Variants in NRXN1 observed in about 807,000 individuals in gnomAD.
NRXN1 encodes the protein neurexin 1, also known as neurexin-1.
A neutral mutation model predicts 150.9 loss-of-function variants in NRXN1; 39 were observed. That is an observed-to-expected ratio of 0.26 (90% confidence interval 0.20 to 0.34). The LOEUF is 0.34. Among genes scored for constraint, NRXN1 ranks in the 10% least tolerant of loss-of-function variants. NRXN1 has a pLI of 1.00. For missense variants in NRXN1, 1,815 were observed against 1,949.9 expected, an observed-to-expected ratio of 0.93 and a Z score of 1.30; for synonymous variants, 924 against 757.0, an observed-to-expected ratio of 1.22 and a Z score of -3.62.
chr2:50,867,615 T>G (rs1389661706), intron 5 of NRXN1, among the ~76,000 whole-genome samples: 1 of 151,858 alleles, frequency 6.6e-6, no homozygotes, highest in East Asian at 1.9e-4. Context: ...ACATGATTAC[T>G]TTAATGACAA....
At chr2:50,398,696 C>T (rs2103903583) in intron 17 of NRXN1, among the ~76,000 whole-genome samples, 1 of 152,244 alleles carries the variant, frequency 6.6e-6, no homozygotes, top group Admixed American at 6.5e-5. Context: ...CTAATGGGCA[C>T]TGCCTTTGGA....
At chr2:50,422,183 T>A (rs1009226725) in intron 17 of NRXN1, among the ~76,000 whole-genome samples, 2 of 152,162 alleles carry the variant, frequency 1.3e-5, no homozygotes, top group African/African-American at 4.8e-5. Flanking sequence ...CATATCCAAC[T>A]TTTTAAAAAA....
chr2:50,135,765 A>G lies in NRXN1; in HGVS notation c.3547-44271T>C, dbSNP rs368677405. Among the ~76,000 whole-genome samples, 40 of 152,320 alleles carry G rather than the reference A, an allele frequency of 2.6e-4. No individual in the cohort carries two copies. The South Asian group carries it at 6.6e-3, about 25-fold the overall frequency. On this transcript the variant is annotated intron_variant, in intron 18 of 22. Transcript: ENST00000401669. The stretch of plus-strand genomic sequence containing the variant: ...GCCCAATAATGTCTGAGCAAAATGG[A>G]GGCCATGATTATTTTGGCTGTAGTG...
At position 51,004,539 on chromosome 2, in the gene NRXN1, A is replaced by G. The variant is rs1700464772; in HGVS notation, c.772+22963T>C. The stretch of plus-strand genomic sequence containing the variant: ...GGTTTTATAAATAAGCATTTGTAGG[A>G]GGCTGAGACAGGAGAATCGCTTGAA... On this transcript the variant is annotated intron_variant, in intron 2 of 22. Transcript: ENST00000401669. Among the ~76,000 whole-genome samples, 3 of 152,018 alleles carry G rather than the reference A, an allele frequency of 2.0e-5. No homozygotes were observed. The South Asian group carries it at 6.2e-4, about 31-fold the overall frequency.
intron 21 of NRXN1, among the ~76,000 whole-genome samples, chr2:49,961,839 T>C (rs1259345669): frequency 2.6e-5 from 4 of 152,204 alleles, no homozygotes; most frequent in South Asian, 2.1e-4. Flanking sequence ...TCAAATTATA[T>C]GGTGTGACAC....
intron 5 of NRXN1, among the ~76,000 whole-genome samples, chr2:50,778,913 T>C (rs1031298309): frequency 4.6e-5 from 7 of 152,146 alleles, no homozygotes; most frequent in African/African-American, 1.7e-4. Context: ...AAATTAAAAA[T>C]AAATTAAAAT....
intron 21 of NRXN1, among the ~76,000 whole-genome samples, chr2:49,971,931 A>AGAATGGAAACTTTCTTTGG (rs1177787194): frequency 6.6e-6 from 1 of 152,074 alleles, no homozygotes; most frequent in Non-Finnish European, 1.5e-5. Context: ...ACTTTTTTTG[A>AGAATGGAAACTTTCTTTGG]GAATGGAAAC....
intron 19 of NRXN1, among the ~76,000 whole-genome samples, chr2:50,063,479 C>CCACTTT (rs1694874946): frequency 6.7e-6 from 1 of 150,368 alleles, no homozygotes. Flanking sequence ...ACTTTGAACC[C>CCACTTT]GACATTCTCC....
chr2:50,968,536 A>G (rs542076525), intron 2 of NRXN1, among the ~76,000 whole-genome samples: 1 of 152,174 alleles, frequency 6.6e-6, no homozygotes, highest in Non-Finnish European at 1.5e-5. Context: ...TGGATCCTGG[A>G]TCCACTTCCT....
intron 17 of NRXN1, among the ~76,000 whole-genome samples, chr2:50,309,307 A>C (rs114992005): frequency 0.01 from 1,580 of 152,292 alleles, 27 homozygotes; most frequent in African/African-American, 0.036. Flanking sequence ...TTTTACTAGG[A>C]CACAGTTTTT....
At chr2:50,595,127 G>C (rs1185354780) in intron 8 of NRXN1, among the ~76,000 whole-genome samples, 1 of 151,964 alleles carries the variant, frequency 6.6e-6, no homozygotes. Context: ...ATGAGGACAT[G>C]TGGCCACCTG....
chr2:50,134,270 C>G (rs1047498120), intron 18 of NRXN1, among the ~76,000 whole-genome samples: 1 of 99,266 alleles, frequency 1.0e-5, no homozygotes, highest in Non-Finnish European at 1.9e-5. Context: ...TTAAAAGTAA[C>G]CAGAAAAAAA....
chr2:50,339,399 G>T (rs1264740461), intron 17 of NRXN1, among the ~76,000 whole-genome samples: 1 of 152,050 alleles, frequency 6.6e-6, no homozygotes, highest in Non-Finnish European at 1.5e-5. Flanking sequence ...AGAGCCCAAA[G>T]GGTTCTATAT....
intron 5 of NRXN1, among the ~76,000 whole-genome samples, chr2:50,810,665 A>G (rs1668088828): frequency 6.6e-6 from 1 of 152,166 alleles, no homozygotes; most frequent in African/African-American, 2.4e-5. Flanking sequence ...CAGCATAATA[A>G]GTAAGCTAAA....
intron 17 of NRXN1, among the ~76,000 whole-genome samples, chr2:50,417,884 G>T (rs1372196466): frequency 6.6e-6 from 1 of 151,980 alleles, no homozygotes; most frequent in Non-Finnish European, 1.5e-5. Flanking sequence ...AGGAATAAGG[G>T]ATAGATGGGG....
intron 21 of NRXN1, 57 bp downstream of exon 21, chr2:50,053,214 G>T (rs1693013608): frequency 6.4e-7 from 1 of 1,564,984 alleles, no homozygotes; most frequent in Non-Finnish European, 8.8e-7. Context: ...ATGCAGAAAA[G>T]CCCACTATCA....
intron 2 of NRXN1, among the ~76,000 whole-genome samples, chr2:50,929,629 T>C (rs1377098862): frequency 6.6e-6 from 1 of 151,984 alleles, no homozygotes; most frequent in Admixed American, 6.6e-5. Context: ...ACAGCAAAAC[T>C]GGTGGTGGTA....
intron 5 of NRXN1, among the ~76,000 whole-genome samples, chr2:50,728,239 T>G (rs960919442): frequency 6.6e-6 from 1 of 152,138 alleles, no homozygotes; most frequent in Non-Finnish European, 1.5e-5. Context: ...GCCTGAAAAT[T>G]TGGCCTACAT....
rs145984629 is a variant in NRXN1 at position 50,256,540 on chromosome 2, C to A, written c.3365-19570G>T. 2.9e-3 allele frequency among the ~76,000 whole-genome samples: 440 copies of A among 152,226 alleles called. 1 individual carries two copies. Among genetic ancestry groups the A allele is most frequent in the Non-Finnish European group, 5.2e-3 (357 of 68,008 alleles). Reference sequence around the variant, plus strand: ...TTGCATTGTCTTGAGTTACTTTATGCTACCCAATTTGTCCCTTTCACAAAG... The same window carrying A: ...TTGCATTGTCTTGAGTTACTTTATGATACCCAATTTGTCCCTTTCACAAAG... On this transcript the variant is annotated intron_variant, in intron 17 of 22. Coordinates refer to ENST00000401669, the MANE Select transcript of NRXN1 (RefSeq NM_001330078.2).
Sources: allele counts gnomAD v4.1 joint callset (sites outside exome capture counted in the v4.1 genomes callset), GRCh38; gene constraint gnomAD v4.1.1; transcripts MANE v1.5; gene names NCBI Gene and HGNC (gene_info 2026-07-23, HGNC 2026-07-21).